UPB1: variants seen among roughly 807,000 people sequenced by gnomAD.
UPB1 encodes the protein beta-ureidopropionase 1, also known as beta-ureidopropionase.
Under a neutral mutation model 49.1 loss-of-function variants are expected in UPB1, and 40 were observed. That is an observed-to-expected ratio of 0.81 (90% CI 0.63 to 1.06). The LOEUF is 1.06. Ranked by LOEUF, UPB1 falls within the 50% of genes least tolerant of loss-of-function variation. UPB1 has a pLI of 0.00. For missense variants in UPB1, 499 were observed against 505.9 expected (o/e 0.99, Z 0.13); for synonymous variants, 207 against 198.2 (o/e 1.04, Z -0.38).
chr22:24,522,769 TAAA>T (rs1353652421), intron 8 of UPB1, among the ~76,000 whole-genome samples: 2 of 126,328 alleles, frequency 1.6e-5, no homozygotes, highest in Non-Finnish European at 1.7e-5. Flanking sequence ...CAGTCTCTAC[TAAA>T]AAAAAAAAAA....
chr22:24,518,983 G>T (rs62231897), intron 6 of UPB1, among the ~76,000 whole-genome samples: 1 of 152,166 alleles, frequency 6.6e-6, no homozygotes, highest in East Asian at 1.9e-4. Context: ...GTGGTTTTGA[G>T]AGCATAAATT....
intron 1 of UPB1, among the ~76,000 whole-genome samples, chr22:24,498,533 G>C (rs1351413136): frequency 6.6e-6 from 1 of 152,210 alleles, no homozygotes; most frequent in African/African-American, 2.4e-5. Context: ...GTCCTGGAGG[G>C]TGGAGCGGCC....
chr22:24,508,190 C>A (rs534399092), intron 3 of UPB1, among the ~76,000 whole-genome samples: 103 of 152,338 alleles, frequency 6.8e-4, no homozygotes, highest in African/African-American at 2.4e-3. Flanking sequence ...CTGCACACCC[C>A]CCTCAAGTTA....
Position 24,520,403 on chromosome 22 carries a change from A to G in UPB1, c.808A>G (p.Ile270Val), listed in dbSNP as rs1267217133. Residue 270 changes from isoleucine to valine, a missense_variant, in exon 7 of 10, where the codon ATC (isoleucine) becomes GTC (valine). Ile to Val is a conservative substitution (Grantham distance 29). Coordinates refer to ENST00000326010, the MANE Select transcript of UPB1 (RefSeq NM_016327.3). ...IGALSESLWP[I>V]EARNAAIANH... ...CTCTTACAGCGAGTCCCTGTGGCCC[A>G]TCGAGGCCAGAAACGCAGCCATTGC... 1.9e-6 allele frequency: 3 copies of G among 1,614,184 alleles called. No homozygotes were observed. Among genetic ancestry groups the G allele is most frequent in the South Asian group, 2.2e-5 (2 of 91,078 alleles).
rs553643536 is a variant in UPB1 at position 24,500,486 on chromosome 22, C to A, written c.276+208C>A. On this transcript the variant is annotated intron_variant, in intron 2 of 9. Transcript: ENST00000326010. ...GTCTTCCTGTTCTTATTCTGTCTCT[C>A]CCTCCTCCTCACTGATCTTTCCACT... Among the ~76,000 whole-genome samples, 3 of 152,348 alleles carry A rather than the reference C, an allele frequency of 2.0e-5. No homozygotes were observed. In the East Asian group the frequency reaches 5.8e-4, roughly 29 times the overall value.
In UPB1 at chr22:24,495,507, G is replaced by T. The variant is rs778145524; in HGVS notation, c.104G>T (p.Arg35Met). Residue 35 changes from arginine to methionine, a missense_variant and splice_region_variant, in exon 1 of 10, where the codon AGG becomes ATG. Transcript: ENST00000326010. ...CGCGTTCTCTATGGCAAGGAACTCA[G>T]GTCCGCAGCCAAGAGGCTAAGCTAA... is the stretch of plus-strand genomic sequence containing the variant. ...VKRVLYGKELRKLDLPREAFE... is the reference protein window; with the variant it reads ...VKRVLYGKELMKLDLPREAFE... The T allele has an allele frequency of 6.2e-7, 1 of 1,614,020 alleles. No individual in the cohort carries two copies. Among genetic ancestry groups the T allele is most frequent in the Non-Finnish European group, 8.5e-7 (1 of 1,180,028 alleles).
chr22:24,500,043 GA>G, intron 1 of UPB1, 63 bp from the exon 2 acceptor site: 1 of 1,609,694 alleles, frequency 6.2e-7, no homozygotes, highest in Non-Finnish European at 8.5e-7. Flanking sequence ...AGAAATGGGA[GA>G]GAGATTTTAA....
At chr22:24,517,196 C>T (rs551716238) in intron 6 of UPB1, among the ~76,000 whole-genome samples, 1 of 152,336 alleles carries the variant, frequency 6.6e-6, no homozygotes, top group South Asian at 2.1e-4. Context: ...GTCTACCACC[C>T]TGCCCATGTA....
At chr22:24,521,874 T>C (rs2044399457) in intron 7 of UPB1, 112 bp from the exon 8 acceptor site, 1 of 1,125,582 alleles carries the variant, frequency 8.9e-7, no homozygotes, top group Admixed American at 1.9e-5. Context: ...AACTGTTTCC[T>C]GGCTGACTCG....
At chr22:24,509,809 C>T (rs2044164325) in intron 3 of UPB1, among the ~76,000 whole-genome samples, 2 of 152,184 alleles carry the variant, frequency 1.3e-5, no homozygotes, top group African/African-American at 4.8e-5. Flanking sequence ...TGTTGTGCAA[C>T]CATCATCACC....
At chr22:24,524,511 AG>A (rs2044449485) in intron 9 of UPB1, among the ~76,000 whole-genome samples, 1 of 152,136 alleles carries the variant, frequency 6.6e-6, no homozygotes, top group African/African-American at 2.4e-5. Context: ...CATGGAGACA[AG>A]GTCTTGGCTC....
intron 6 of UPB1, among the ~76,000 whole-genome samples, chr22:24,517,811 C>G (rs2044323191): frequency 6.6e-6 from 1 of 152,214 alleles, no homozygotes; most frequent in South Asian, 2.1e-4. Context: ...TCCTAAAATG[C>G]TCATGCCCTT....
Position 24,525,962 on chromosome 22 carries a change from A to G in UPB1, c.*168A>G. ...ATGGGGAGTGACTTCTTAATGGGTA[A>G]GGGGCTGCTTACTTCTGGGGTATTG... On this transcript the variant is annotated 3_prime_UTR_variant, in exon 10 of 10. Transcript: ENST00000326010. 1 of 765,274 alleles carries G rather than the reference A, an allele frequency of 1.3e-6. No individual in the cohort carries two copies. The highest frequency in any genetic ancestry group is 2.2e-6 in the Non-Finnish European group (1 of 446,710). 47.4% of individuals were successfully genotyped at this position (765,274 alleles called of 1,614,324 possible). A position where few individuals can be genotyped will look rare whatever the true frequency, so the allele number is the denominator to read the frequency against.
In UPB1 at chr22:24,502,220, CT is replaced by C. The variant is rs754450964; in HGVS notation, c.364+13del. On this transcript the variant is annotated splice_region_variant and intron_variant, in intron 3 of 9. Coordinates refer to ENST00000326010, the MANE Select transcript of UPB1 (RefSeq NM_016327.3). ...TGTTTCCAGGAAGCATGGAGTGAGT[CT>C]TTTTTATGGTGCTTTCTCTGCTGCC... is the stretch of plus-strand genomic sequence containing the variant. 5.6e-6 allele frequency: 9 copies of C among 1,613,564 alleles called. No individual in the cohort carries two copies. The highest frequency in any genetic ancestry group is 7.6e-6 in the Non-Finnish European group (9 of 1,179,620).
intron 3 of UPB1, 118 bp from the exon 4 acceptor site, chr22:24,510,631 A>T: frequency 1.8e-6 from 2 of 1,098,376 alleles, no homozygotes; most frequent in Non-Finnish European, 2.8e-6. Flanking sequence ...CCCAGAAGCC[A>T]GGCCATGGCA....
At chr22:24,519,031 C>T (rs2044343573) in intron 6 of UPB1, among the ~76,000 whole-genome samples, 1 of 152,218 alleles carries the variant, frequency 6.6e-6, no homozygotes, top group African/African-American at 2.4e-5. Context: ...ATGCAGAACA[C>T]CTCCCTGGAG....
chr22:24,524,572 ACCT>A (rs1161082644), intron 9 of UPB1, among the ~76,000 whole-genome samples: 1 of 151,938 alleles, frequency 6.6e-6, no homozygotes, highest in African/African-American at 2.4e-5. Flanking sequence ...GGCAGCCTTG[ACCT>A]CCTGGGCTCA....
chr22:24,508,650 G>C (rs1167609510), intron 3 of UPB1, among the ~76,000 whole-genome samples: 1 of 152,016 alleles, frequency 6.6e-6, no homozygotes, highest in East Asian at 1.9e-4. Context: ...GGCCGAGGCA[G>C]CTGGATCACC....
At chr22:24,507,734 C>T (rs1271145166) in intron 3 of UPB1, among the ~76,000 whole-genome samples, 1 of 152,148 alleles carries the variant, frequency 6.6e-6, no homozygotes, top group East Asian at 1.9e-4. Context: ...GTCCACCCAA[C>T]ATGGCAATTC....
Sources: gnomAD v4.1 joint callset for allele counts (sites outside exome capture counted in the v4.1 genomes callset) on GRCh38, gnomAD v4.1.1 for gene constraint, MANE v1.5 for transcripts, NCBI Gene and HGNC (gene_info 2026-07-23, HGNC 2026-07-21) for gene names.